The following ZNF518A variants were observed in gnomAD, a reference collection of about 807,000 sequenced individuals.
ZNF518A encodes the protein zinc finger protein 518.
A neutral mutation model predicts 102.7 loss-of-function variants in ZNF518A; 47 were observed. The ratio of observed to expected loss-of-function variants is 0.46; its 90% CI spans 0.36 to 0.58. The LOEUF is 0.58. Ranked by LOEUF, ZNF518A falls within the 20% of genes least tolerant of loss-of-function variation. The pLI is 0.00. For synonymous variants in ZNF518A, 652 were observed against 594.6 expected (o/e 1.10, Z -1.40); for missense variants, 1,793 against 1,699.8 (o/e 1.05, Z -0.96).
At chr10:96,143,731 C>T (rs1248408626) in intron 3 of ZNF518A, among the ~76,000 whole-genome samples, 2 of 152,070 alleles carry the variant, frequency 1.3e-5, no homozygotes, top group African/African-American at 4.8e-5. Flanking sequence ...GTGACATTGC[C>T]CTCTTGGTTT....
chr10:96,196,076 G>A (rs2083457726), intron 1 of ZNF518A, among the ~76,000 whole-genome samples: 1 of 152,198 alleles, frequency 6.6e-6, no homozygotes, highest in Non-Finnish European at 1.5e-5. Flanking sequence ...TCTAGCAGGT[G>A]CTGGGTTTGG....
In ZNF518A at chr10:96,158,175, A is replaced by G. The variant is rs1554884310; in HGVS notation, c.1853A>G (p.Tyr618Cys). 6.2e-7 allele frequency: 1 copy of G among 1,613,648 alleles called. No individual in the cohort carries two copies. The highest frequency in any genetic ancestry group is 8.5e-7 in the Non-Finnish European group (1 of 1,179,732). Residue 618 changes from tyrosine (Y) to cysteine (C), a missense_variant, in exon 6 of 6, where the codon TAT becomes TGT. Tyr to Cys is a radical substitution (Grantham distance 194). This residue lies in a region of ZNF518A where 1,741 missense variants were observed against 1,622.6 expected (regional missense o/e 1.07). Transcript: ENST00000316045. Reference sequence around the variant, plus strand: ...TACAACAGTGGAGATATGCATAATTATTGCATTAATTATGGCAACTGTGAG... The same window carrying G: ...TACAACAGTGGAGATATGCATAATTGTTGCATTAATTATGGCAACTGTGAG... ...NAYNSGDMHN[Y>C]CINYGNCELP...
chr10:96,173,498 G>T (rs930220871), intron 1 of ZNF518A, among the ~76,000 whole-genome samples: 1 of 152,040 alleles, frequency 6.6e-6, no homozygotes, highest in Non-Finnish European at 1.5e-5. Context: ...GAAACAACAA[G>T]AATTTATTTT....
chr10:96,133,151 C>T (rs1212339662), intron 2 of ZNF518A, among the ~76,000 whole-genome samples: 1 of 152,094 alleles, frequency 6.6e-6, no homozygotes, highest in Non-Finnish European at 1.5e-5. Context: ...CCAAATATAA[C>T]TTTAACTATC....
intron 3 of ZNF518A, among the ~76,000 whole-genome samples, chr10:96,134,414 A>G (rs189314487): frequency 4.6e-5 from 7 of 151,926 alleles, no homozygotes; most frequent in Admixed American, 4.6e-4. Context: ...TTTTATTTTT[A>G]GTGGAGACGA....
intron 1 of ZNF518A, among the ~76,000 whole-genome samples, chr10:96,191,159 C>G (rs1269603510): frequency 4.0e-5 from 6 of 151,666 alleles, no homozygotes; most frequent in South Asian, 2.1e-4. Flanking sequence ...GTAAAACATG[C>G]CTTTGCTTCT....
At chr10:96,192,637 G>C (rs782702018) in intron 1 of ZNF518A, among the ~76,000 whole-genome samples, 3 of 151,984 alleles carry the variant, frequency 2.0e-5, no homozygotes, top group Admixed American at 6.6e-5. Context: ...AGTTAACTTA[G>C]TGCCTAATTA....
At chr10:96,131,770 TG>T (rs766794595) in intron 1 of ZNF518A, among the ~76,000 whole-genome samples, 15 of 152,358 alleles carry the variant, frequency 9.8e-5, no homozygotes, top group Non-Finnish European at 2.1e-4. Flanking sequence ...TTTTTTGCCA[TG>T]GTCACACTTC....
At chr10:96,166,940 A>G (rs1298753915), downstream of ZNF518A, among the ~76,000 whole-genome samples, 1 of 152,240 alleles carries the variant, frequency 6.6e-6, no homozygotes, top group Admixed American at 6.5e-5. Context: ...CTCCTTAAGT[A>G]GTGAAAGCAG....
downstream of ZNF518A, among the ~76,000 whole-genome samples, chr10:96,166,901 C>A (rs2083144841): frequency 6.6e-6 from 1 of 152,192 alleles, no homozygotes. Flanking sequence ...ACTACAAGTT[C>A]CTGGCCAAAT....
At chr10:96,152,665 A>G (rs1175219862) in intron 3 of ZNF518A, among the ~76,000 whole-genome samples, 1 of 152,252 alleles carries the variant, frequency 6.6e-6, no homozygotes, top group African/African-American at 2.4e-5. Flanking sequence ...CCTAGATGGT[A>G]AACCTGTTAC....
At chr10:96,184,732 A>T (rs2083260950) in intron 1 of ZNF518A, among the ~76,000 whole-genome samples, 1 of 150,474 alleles carries the variant, frequency 6.6e-6, no homozygotes, top group Non-Finnish European at 1.5e-5. Context: ...GCTGCCCTTA[A>T]CATTTTTTCC....
At chr10:96,164,468 CTT>C (rs34302998), downstream of ZNF518A, among the ~76,000 whole-genome samples, 1 of 151,938 alleles carries the variant, frequency 6.6e-6, no homozygotes, top group African/African-American at 2.4e-5. Flanking sequence ...TTAGTGGAAA[CTT>C]TTTCCTGTAA....
chr10:96,204,361 A>G, downstream of ZNF518A: 1 of 807,370 alleles, frequency 1.2e-6, no homozygotes. Context: ...CTGCAACTCT[A>G]CACAGTTATT....
chr10:96,197,292 GA>G (rs1421940892), intron 1 of ZNF518A, among the ~76,000 whole-genome samples: 1 of 151,248 alleles, frequency 6.6e-6, no homozygotes, highest in South Asian at 2.1e-4. Flanking sequence ...TGCCTTTTTT[GA>G]AAAAAAGGTA....
chr10:96,132,137 A>AT (rs2081369647), intron 1 of ZNF518A, among the ~76,000 whole-genome samples: 1 of 151,596 alleles, frequency 6.6e-6, no homozygotes, highest in South Asian at 2.1e-4. Flanking sequence ...CCGTCTTGAA[A>AT]TTTTTATTTA....
intron 1 of ZNF518A, among the ~76,000 whole-genome samples, chr10:96,186,321 C>T (rs1376275311): frequency 7.9e-5 from 12 of 152,180 alleles, no homozygotes; most frequent in Admixed American, 1.3e-4. Context: ...AGCTGCAGAC[C>T]GGAGCTGTTA....
chr10:96,160,884 A>G lies in ZNF518A; in HGVS notation c.*110A>G. 1 of 1,152,642 alleles carries G rather than the reference A, an allele frequency of 8.7e-7. No individual in the cohort carries two copies. Among genetic ancestry groups the G allele is most frequent in the Non-Finnish European group, 1.2e-6 (1 of 863,586 alleles). The allele number at this position is 1,152,642 out of a possible 1,614,324, so 71.4% of individuals were successfully genotyped here. ...TACTTCAGTATAGTACCTGAAATCG[A>G]ACATTTTAAAAGTTGATTGTATTTC... On this transcript the variant is annotated 3_prime_UTR_variant, in exon 6 of 6. Coordinates refer to ENST00000316045, the MANE Select transcript of ZNF518A (RefSeq NM_001330736.2).
At chr10:96,178,170 T>C (rs2083217151) in intron 1 of ZNF518A, among the ~76,000 whole-genome samples, 1 of 152,132 alleles carries the variant, frequency 6.6e-6, no homozygotes, top group African/African-American at 2.4e-5. Flanking sequence ...ATTAGCAGAC[T>C]ATGCCTTCTT....
Sources: gnomAD v4.1 joint callset for allele counts (sites outside exome capture counted in the v4.1 genomes callset) on GRCh38, gnomAD v4.1.1 for gene constraint, gnomAD v4.1.1 regional missense constraint, MANE v1.5 for transcripts, NCBI Gene and HGNC (gene_info 2026-07-23, HGNC 2026-07-21) for gene names.